The following PCDH9 variants were observed in gnomAD, a reference collection of about 807,000 sequenced individuals.
PCDH9 encodes protocadherin 9, also known as protocadherin-9.
A neutral mutation model predicts 70.6 loss-of-function variants in PCDH9; 24 were observed. The ratio of observed to expected loss-of-function variants is 0.34; its 90% CI spans 0.25 to 0.48. PCDH9 has a LOEUF of 0.48. Ranked by LOEUF, PCDH9 falls within the 20% of genes least tolerant of loss-of-function variation. The pLI, the probability that PCDH9 is intolerant of heterozygous loss-of-function variation, is 0.99. For missense variants in PCDH9, 1,281 were observed against 1,503.6 expected (o/e 0.85, Z 2.45); for synonymous variants, 562 against 558.5 (o/e 1.01, Z -0.09).
At chr13:66,530,252 T>G (rs906465864) in intron 4 of PCDH9, among the ~76,000 whole-genome samples, 1 of 152,068 alleles carries the variant, frequency 6.6e-6, no homozygotes, top group South Asian at 2.1e-4. Flanking sequence ...GGAGAAGATA[T>G]GTGTTTGTGG....
At chr13:66,567,954 A>T (rs1411259772) in intron 4 of PCDH9, among the ~76,000 whole-genome samples, 1 of 152,142 alleles carries the variant, frequency 6.6e-6, no homozygotes, top group Non-Finnish European at 1.5e-5. Flanking sequence ...GCTGGTTTGC[A>T]TCCTAAGCCT....
intron 3 of PCDH9, among the ~76,000 whole-genome samples, chr13:66,843,728 G>A (rs75092044): frequency 0.01 from 1,548 of 152,298 alleles, 16 homozygotes; most frequent in Middle Eastern, 0.068. Flanking sequence ...GAGAACATAT[G>A]AGCTGGGCCT....
At chr13:66,701,543 T>G (rs1178976255) in intron 3 of PCDH9, among the ~76,000 whole-genome samples, 3 of 152,168 alleles carry the variant, frequency 2.0e-5, no homozygotes, top group African/African-American at 7.2e-5. Flanking sequence ...ATTAAATTCT[T>G]AATTACCATG....
chr13:67,033,154 A>T (rs2084939982), intron 2 of PCDH9, among the ~76,000 whole-genome samples: 1 of 152,272 alleles, frequency 6.6e-6, no homozygotes, highest in East Asian at 1.9e-4. Flanking sequence ...GAAAATTAAG[A>T]TATTTCTCTC....
intron 2 of PCDH9, among the ~76,000 whole-genome samples, chr13:66,956,413 T>C (rs927142605): frequency 6.6e-6 from 1 of 152,118 alleles, no homozygotes; most frequent in Admixed American, 6.6e-5. Context: ...AAGGTGAGGT[T>C]ATGTGATAGT....
intron 2 of PCDH9, among the ~76,000 whole-genome samples, chr13:67,128,392 A>G (rs1362401502): frequency 6.6e-6 from 1 of 152,176 alleles, no homozygotes; most frequent in Non-Finnish European, 1.5e-5. Flanking sequence ...AAGTCAATGA[A>G]GAGACAGGAC....
At chr13:66,946,703 G>A (rs1204233201) in intron 2 of PCDH9, among the ~76,000 whole-genome samples, 1 of 151,648 alleles carries the variant, frequency 6.6e-6, no homozygotes, top group African/African-American at 2.4e-5. Flanking sequence ...TGGATTTTAT[G>A]GTAAAACTAT....
chr13:66,826,691 G>T (rs2080829539), intron 3 of PCDH9, among the ~76,000 whole-genome samples: 2 of 152,050 alleles, frequency 1.3e-5, no homozygotes, highest in South Asian at 4.2e-4. Flanking sequence ...GAACTATGAA[G>T]AAAATAATAC....
At chr13:66,495,538 G>A (rs1227958463) in intron 4 of PCDH9, among the ~76,000 whole-genome samples, 1 of 152,072 alleles carries the variant, frequency 6.6e-6, no homozygotes, top group Non-Finnish European at 1.5e-5. Flanking sequence ...TAGTGCTTTG[G>A]AAACAGAGGA....
chr13:67,141,451 A>G (rs541100537), intron 2 of PCDH9, among the ~76,000 whole-genome samples: 1 of 151,550 alleles, frequency 6.6e-6, no homozygotes, highest in East Asian at 2.0e-4. Context: ...TATTATTATT[A>G]TTATTTTTAG....
At chr13:67,167,153 G>C (rs971666766) in intron 2 of PCDH9, among the ~76,000 whole-genome samples, 1 of 152,072 alleles carries the variant, frequency 6.6e-6, no homozygotes, top group Non-Finnish European at 1.5e-5. Context: ...TTTGTCTTTA[G>C]TGAAATGGTT....
At chr13:67,108,297 G>C (rs1395259894) in intron 2 of PCDH9, among the ~76,000 whole-genome samples, 4 of 152,306 alleles carry the variant, frequency 2.6e-5, no homozygotes, top group Admixed American at 1.3e-4. Flanking sequence ...TCCCATGACA[G>C]TATAGTATAG....
At chr13:66,936,506 A>G (rs1006435901) in intron 2 of PCDH9, among the ~76,000 whole-genome samples, 2 of 152,192 alleles carry the variant, frequency 1.3e-5, no homozygotes, top group South Asian at 4.1e-4. Flanking sequence ...ATGTTGGGTG[A>G]CAAAATTAAA....
At chr13:66,736,997 A>C (rs967493278) in intron 3 of PCDH9, among the ~76,000 whole-genome samples, 1 of 152,206 alleles carries the variant, frequency 6.6e-6, no homozygotes. Context: ...GAGGGGAAAA[A>C]AACAGTGTAG....
At chr13:66,709,149 C>T (rs1221076317) in intron 3 of PCDH9, among the ~76,000 whole-genome samples, 3 of 152,062 alleles carry the variant, frequency 2.0e-5, no homozygotes, top group African/African-American at 7.2e-5. Context: ...GGAGGTTTTT[C>T]CAATTCACTG....
chr13:66,344,386 A>G (rs1241796865), intron 4 of PCDH9, among the ~76,000 whole-genome samples: 1 of 152,150 alleles, frequency 6.6e-6, no homozygotes, highest in Non-Finnish European at 1.5e-5. Context: ...TCTGCCTCCC[A>G]AAGTGCTGGG....
chr13:66,658,334 G>T (rs1390873054), intron 3 of PCDH9, among the ~76,000 whole-genome samples: 4 of 152,006 alleles, frequency 2.6e-5, no homozygotes, highest in Non-Finnish European at 5.9e-5. Flanking sequence ...TTTATTTTAG[G>T]TTAAGAGGTA....
intron 4 of PCDH9, among the ~76,000 whole-genome samples, chr13:66,309,159 T>C (rs530790907): frequency 9.2e-5 from 14 of 152,172 alleles, no homozygotes; most frequent in African/African-American, 3.1e-4. Flanking sequence ...TGGGTCTCTA[T>C]GTAATTCCCA....
At chr13:67,115,785 G>T (rs1393168687) in intron 2 of PCDH9, among the ~76,000 whole-genome samples, 5 of 151,878 alleles carry the variant, frequency 3.3e-5, no homozygotes, top group Non-Finnish European at 5.9e-5. Context: ...GGACCAAATA[G>T]AATATCTTAC....
Sources: allele counts gnomAD v4.1 joint callset (sites outside exome capture counted in the v4.1 genomes callset), GRCh38; gene constraint gnomAD v4.1.1; transcripts MANE v1.5; gene names NCBI Gene and HGNC (gene_info 2026-07-23, HGNC 2026-07-21).